TANGO6: variants seen among roughly 807,000 people sequenced by gnomAD.
The protein encoded by TANGO6 is transport and Golgi organization protein 6 homolog.
Under a neutral mutation model 114.2 loss-of-function variants are expected in TANGO6, and 90 were observed. The ratio of observed to expected loss-of-function variants is 0.79; its 90% CI spans 0.66 to 0.94. The LOEUF (loss-of-function observed/expected upper bound fraction) is 0.94, where lower values mean the gene tolerates loss of function less well. Among genes scored for constraint, TANGO6 ranks in the 40% least tolerant of loss-of-function variants. The pLI is 0.00. For missense variants in TANGO6, 1,274 were observed against 1,315.3 expected (o/e 0.97, Z 0.49); for synonymous variants, 477 against 509.8 (o/e 0.94, Z 0.87).
rs376135453 is a variant in TANGO6, at chr16:69,018,719, G to A, written c.2843-4109G>A. Among the ~76,000 whole-genome samples the A allele has an allele frequency of 2.4e-4, 36 of 151,508 alleles. No individual in the cohort carries two copies. The South Asian group carries it at 5.2e-3, about 22-fold the overall frequency. On this transcript the variant is annotated intron_variant, in intron 15 of 17. Transcript: ENST00000261778. ...GGGCGGATCACGAGGTCAGGAGATCGAGACTATCCTGGCTAACACGGTGAA... is the reference window on the plus strand; with the variant it reads ...GGGCGGATCACGAGGTCAGGAGATCAAGACTATCCTGGCTAACACGGTGAA...
At chr16:69,061,763 T>TA (rs1275837152) in intron 17 of TANGO6, among the ~76,000 whole-genome samples, 15 of 152,126 alleles carry the variant, frequency 9.9e-5, no homozygotes, top group Non-Finnish European at 1.9e-4. Context: ...CTCACGCCTG[T>TA]AATCCCAGCA....
At chr16:68,930,332 G>T in intron 14 of TANGO6, 37 bp downstream of exon 14, 1 of 1,495,328 alleles carries the variant, frequency 6.7e-7, no homozygotes, top group South Asian at 1.2e-5. Context: ...TAAGTATGTG[G>T]ACCAGAGACT....
In TANGO6 at chr16:68,872,063, C is replaced by T. The variant is rs551201879; in HGVS notation, c.995-3091C>T. Among the ~76,000 whole-genome samples the T allele has an allele frequency of 3.9e-5, 6 of 151,922 alleles. No individual in the cohort carries two copies. In the East Asian group the frequency reaches 1.2e-3, roughly 31 times the overall value. ...TGGCCAACATGGTGAAAGCCTGCCT[C>T]TACTAAAAATACAAAAAATTAGTGG... On this transcript the variant is annotated intron_variant, in intron 4 of 17. Coordinates refer to ENST00000261778, the MANE Select transcript of TANGO6 (RefSeq NM_024562.2).
At chr16:68,981,156 T>C (rs1963832123) in intron 15 of TANGO6, among the ~76,000 whole-genome samples, 1 of 152,092 alleles carries the variant, frequency 6.6e-6, no homozygotes, top group Non-Finnish European at 1.5e-5. Context: ...CCAATGTCAA[T>C]GTTGACAATA....
At chr16:68,933,387 C>A (rs145841804) in intron 14 of TANGO6, among the ~76,000 whole-genome samples, 3,139 of 152,286 alleles carry the variant, frequency 0.021, 113 homozygotes, top group African/African-American at 0.072. Flanking sequence ...TGCACTCCAT[C>A]CTGGGCAGCA....
chr16:68,907,434 G>A lies in TANGO6; in HGVS notation c.1668-9G>A. On this transcript the variant is annotated splice_polypyrimidine_tract_variant and intron_variant, in intron 9 of 17. Transcript: ENST00000261778. ...ACACTACCAAGATAAATTTTACCCT[G>A]CATTGCAGTGATGAAGATGAAGATG... The A allele has an allele frequency of 1.3e-6, 2 of 1,586,816 alleles. No homozygotes were observed. The highest frequency in any genetic ancestry group is 1.7e-6 in the Non-Finnish European group (2 of 1,171,032).
At chr16:69,001,835 C>G (rs1212434980) in intron 15 of TANGO6, among the ~76,000 whole-genome samples, 1 of 152,144 alleles carries the variant, frequency 6.6e-6, no homozygotes, top group Non-Finnish European at 1.5e-5. Flanking sequence ...CAAGAGCACA[C>G]TTTTTTCATT....
intron 17 of TANGO6, among the ~76,000 whole-genome samples, chr16:69,042,816 ATGT>A (rs1959794360): frequency 6.6e-6 from 1 of 152,230 alleles, no homozygotes; most frequent in African/African-American, 2.4e-5. Context: ...CTTGGCAAAG[ATGT>A]TGTTAAGTAA....
intron 17 of TANGO6, among the ~76,000 whole-genome samples, chr16:69,042,500 T>C (rs1048367420): frequency 3.3e-5 from 5 of 152,094 alleles, no homozygotes; most frequent in African/African-American, 9.7e-5. Flanking sequence ...TGAGCCAGGA[T>C]TGCACCACTG....
chr16:68,940,694 T>A (rs1361974336), intron 14 of TANGO6, among the ~76,000 whole-genome samples: 1 of 152,124 alleles, frequency 6.6e-6, no homozygotes, highest in Non-Finnish European at 1.5e-5. Context: ...AGCAATTCCC[T>A]TTTTAGTAAT....
intron 17 of TANGO6, among the ~76,000 whole-genome samples, chr16:69,042,658 G>A (rs1170456123): frequency 2.0e-5 from 3 of 152,156 alleles, no homozygotes; most frequent in Admixed American, 6.6e-5. Context: ...GGGGATGGGG[G>A]ACATATAGAT....
intron 11 of TANGO6, among the ~76,000 whole-genome samples, chr16:68,918,321 C>A (rs1265246125): frequency 1.3e-5 from 2 of 152,192 alleles, no homozygotes; most frequent in African/African-American, 4.8e-5. Flanking sequence ...TCTTTGTATT[C>A]TCTTGACAGT....
intron 7 of TANGO6, among the ~76,000 whole-genome samples, chr16:68,893,423 A>G (rs891856941): frequency 2.6e-5 from 4 of 152,120 alleles, no homozygotes; most frequent in Admixed American, 6.6e-5. Context: ...CTTCTTAGGA[A>G]CATCTTTATC....
intron 4 of TANGO6, among the ~76,000 whole-genome samples, chr16:68,873,963 G>T (rs1962317013): frequency 6.6e-6 from 1 of 152,162 alleles, no homozygotes. Flanking sequence ...ATAGACTTCT[G>T]AGAATTCTAG....
chr16:68,865,138 G>A (rs1004071525), intron 3 of TANGO6, among the ~76,000 whole-genome samples: 5 of 152,016 alleles, frequency 3.3e-5, no homozygotes, highest in Non-Finnish European at 7.4e-5. Context: ...TTAGCCGGGC[G>A]TGGTGGTGTG....
At chr16:68,977,429 C>T (rs1228707238) in intron 15 of TANGO6, among the ~76,000 whole-genome samples, 1 of 150,578 alleles carries the variant, frequency 6.6e-6, no homozygotes, top group Non-Finnish European at 1.5e-5. Context: ...CGTGGTGGCT[C>T]ACGCCTGTAA....
At chr16:68,878,755 AT>A (rs964465011) in intron 6 of TANGO6, among the ~76,000 whole-genome samples, 11 of 149,762 alleles carry the variant, frequency 7.3e-5, no homozygotes, top group Admixed American at 2.0e-4. Context: ...TTTTAGAGCT[AT>A]TTTTTTTTTA....
At chr16:68,888,243 C>T (rs1445356787) in intron 7 of TANGO6, among the ~76,000 whole-genome samples, 3 of 152,176 alleles carry the variant, frequency 2.0e-5, no homozygotes, top group Non-Finnish European at 4.4e-5. Flanking sequence ...TCTCCTTCTG[C>T]TCTGAATGCC....
At chr16:68,854,762 C>T (rs182941729) in intron 1 of TANGO6, among the ~76,000 whole-genome samples, 2 of 151,888 alleles carry the variant, frequency 1.3e-5, no homozygotes, top group Non-Finnish European at 2.9e-5. Flanking sequence ...TCTGGGTTCC[C>T]AATTCTGTTT....
Sources: gnomAD v4.1 joint callset for allele counts (sites outside exome capture counted in the v4.1 genomes callset) on GRCh38, gnomAD v4.1.1 for gene constraint, MANE v1.5 for transcripts, NCBI Gene and HGNC (gene_info 2026-07-23, HGNC 2026-07-21) for gene names.